AK3: variants seen among roughly 807,000 people sequenced by gnomAD.
The protein encoded by AK3 is GTP:AMP phosphotransferase AK3, mitochondrial.
Under a neutral mutation model 23.7 loss-of-function variants are expected in AK3, and 27 were observed. That is an observed-to-expected ratio of 1.14 (90% CI 0.84 to 1.57). The LOEUF (loss-of-function observed/expected upper bound fraction) is 1.57, where lower values mean the gene tolerates loss of function less well. AK3 is among the 40% of genes most tolerant of loss of function. The pLI is 0.00. For synonymous variants in AK3, 159 were observed against 116.0 expected (o/e 1.37, Z -2.38); for missense variants, 406 against 285.6 (o/e 1.42, Z -3.04).
At chr9:4,713,976 T>TACACGCCTACGCATATACACGCC (rs1563780934) in intron 4 of AK3, among the ~76,000 whole-genome samples, 55 of 9,800 alleles carry the variant, frequency 5.6e-3, no homozygotes, top group Admixed American at 9.0e-3. Context: ...ACCTCCACAT[T>TACACGCCTACGCATATACACGCC]TACACACCTA....
Position 4,714,262 on chromosome 9 carries a change from C to T in AK3, c.564-1166G>A, listed in dbSNP as rs1363875359. Among the ~76,000 whole-genome samples, 3 of 96,854 alleles carry T rather than the reference C, an allele frequency of 3.1e-5. 1 individual carries two copies. The highest frequency in any genetic ancestry group is 7.2e-5 in the Non-Finnish European group (3 of 41,480). The allele number at this position is 96,854 out of a possible 152,430, so 63.5% of individuals were successfully genotyped here. On this transcript the variant is annotated intron_variant, in intron 4 of 4. Transcript: ENST00000381809. Reference sequence around the variant, plus strand: ...CACTGGTGTAAAGACTGCATAAGGACAACCTAAGAACTCTGGTTTATGACT... The same window carrying T: ...CACTGGTGTAAAGACTGCATAAGGATAACCTAAGAACTCTGGTTTATGACT...
chr9:4,735,787 G>C (rs71490246), intron 1 of AK3, among the ~76,000 whole-genome samples: 25,266 of 77,042 alleles, frequency 0.33, 2,757 homozygotes, highest in East Asian at 0.59. Context: ...ATTTTAAAAA[G>C]AAAAAAATTT....
At chr9:4,741,387 C>G (rs62540578), upstream of AK3, 143,542 of 285,258 alleles carry the variant, frequency 0.5, 36,473 homozygotes, top group Admixed American at 0.56. Flanking sequence ...GCTCGGCCGC[C>G]CAGCTCCCAC....
intron 1 of AK3, 57 bp from the exon 2 acceptor site, chr9:4,722,682 C>G (rs199938754): frequency 1.2e-6 from 2 of 1,608,672 alleles, no homozygotes; most frequent in East Asian, 2.2e-5. Flanking sequence ...CCATTCCAGG[C>G]ACCTCGGAAC....
In AK3 at chr9:4,719,250, G is replaced by T. The variant is rs1284185469; in HGVS notation, c.329C>A (p.Thr110Lys). ...EALDRAYQIDTVINLNVPFEV... is the reference protein window; with the variant it reads ...EALDRAYQIDKVINLNVPFEV... ...AAAGGGCACATTCAGGTTAATCACT[G>T]TGTCGATCTGATAAGCTCTATCTAG... Residue 110 changes from threonine to lysine, a missense_variant, in exon 3 of 5, where the codon ACA becomes AAA. Coordinates refer to ENST00000381809, the MANE Select transcript of AK3 (RefSeq NM_016282.4). 6.2e-7 allele frequency: 1 copy of T among 1,610,554 alleles called. No homozygotes were observed. Among genetic ancestry groups the T allele is most frequent in the South Asian group, 1.1e-5 (1 of 90,958 alleles).
At position 4,741,135 on chromosome 9, in the gene AK3, G is replaced by T. The variant is rs1052115359; in HGVS notation, c.-48C>A. On this transcript the variant is annotated 5_prime_UTR_variant, in exon 1 of 5. Transcript: ENST00000381809. ...CGCGCGGGTACCAGGGCTTTGGCCTGGCCTGCGCGCTCACCCGCTCGGCAG... is the reference window on the plus strand; with the variant it reads ...CGCGCGGGTACCAGGGCTTTGGCCTTGCCTGCGCGCTCACCCGCTCGGCAG... The T allele has an allele frequency of 2.2e-6, 3 of 1,394,838 alleles. No individual in the cohort carries two copies. Among genetic ancestry groups the T allele is most frequent in the Admixed American group, 7.2e-5 (2 of 27,968 alleles). 86.4% of individuals were successfully genotyped at this position (1,394,838 alleles called of 1,614,324 possible). A position where few individuals can be genotyped will look rare whatever the true frequency, so the allele number is the denominator to read the frequency against.
chr9:4,718,213 G>A (rs375194853), intron 4 of AK3, among the ~76,000 whole-genome samples: 2 of 152,190 alleles, frequency 1.3e-5, no homozygotes, highest in East Asian at 1.9e-4. Flanking sequence ...CCAAGAGAAC[G>A]GCTACACTGA....
intron 1 of AK3, among the ~76,000 whole-genome samples, chr9:4,728,235 T>C (rs1842062196): frequency 6.6e-6 from 1 of 152,224 alleles, no homozygotes; most frequent in Non-Finnish European, 1.5e-5. Context: ...TAAAAAAAGA[T>C]ACAGTACCTG....
intron 1 of AK3, among the ~76,000 whole-genome samples, chr9:4,739,612 G>C (rs1842376220): frequency 6.6e-6 from 1 of 151,898 alleles, no homozygotes; most frequent in African/African-American, 2.4e-5. Flanking sequence ...TATACACATA[G>C]TATGCTCACA....
chr9:4,724,456 T>C lies in AK3; in HGVS notation c.152-1831A>G, dbSNP rs12684274. 5.3e-4 allele frequency among the ~76,000 whole-genome samples: 80 copies of C among 152,274 alleles called. No homozygotes were observed. The East Asian group carries it at 0.013, about 25-fold the overall frequency. ...GTATATGAATAGCTGTAAGAAAAGA[T>C]TGTCTGCCCTTGCCACTTCTATACA... On this transcript the variant is annotated intron_variant, in intron 1 of 4. Coordinates refer to ENST00000381809, the MANE Select transcript of AK3 (RefSeq NM_016282.4).
chr9:4,733,185 A>G (rs1842194406), intron 1 of AK3, among the ~76,000 whole-genome samples: 1 of 152,168 alleles, frequency 6.6e-6, no homozygotes, highest in Admixed American at 6.5e-5. Flanking sequence ...AAAAGGCTAC[A>G]GAGAATTAAC....
At chr9:4,715,003 G>C (rs1841683204) in intron 4 of AK3, among the ~76,000 whole-genome samples, 2 of 152,174 alleles carry the variant, frequency 1.3e-5, no homozygotes, top group South Asian at 4.1e-4. Context: ...TGGATCACTT[G>C]AGGTCAGGAG....
intron 3 of AK3, 50 bp downstream of exon 3, chr9:4,719,085 G>C: frequency 6.2e-7 from 1 of 1,600,390 alleles, no homozygotes; most frequent in Non-Finnish European, 8.5e-7. Flanking sequence ...GTTAGGGCAA[G>C]AGGACTCAGG....
At chr9:4,739,838 G>A (rs1563801857) in intron 1 of AK3, among the ~76,000 whole-genome samples, 1 of 152,074 alleles carries the variant, frequency 6.6e-6, no homozygotes, top group Non-Finnish European at 1.5e-5. Flanking sequence ...GGCTGAGACA[G>A]GAGAATTGCT....
chr9:4,722,364 G>A, intron 2 of AK3, 142 bp downstream of exon 2: 1 of 1,164,690 alleles, frequency 8.6e-7, no homozygotes, highest in Non-Finnish European at 1.2e-6. Context: ...TCCCAGAGAA[G>A]ATGACTGGTT....
At chr9:4,738,114 C>A (rs900960659) in intron 1 of AK3, among the ~76,000 whole-genome samples, 1 of 152,140 alleles carries the variant, frequency 6.6e-6, no homozygotes, top group Non-Finnish European at 1.5e-5. Flanking sequence ...CAATAGTTAA[C>A]AACATACGCG....
intron 2 of AK3, among the ~76,000 whole-genome samples, chr9:4,720,316 G>T (rs1437524202): frequency 6.6e-6 from 1 of 152,266 alleles, no homozygotes; most frequent in Admixed American, 6.5e-5. Flanking sequence ...ACTTTGCAAT[G>T]TTGTTACTAA....
Position 4,726,214 on chromosome 9 carries a change from G to A in AK3, c.152-3589C>T, listed in dbSNP as rs774318975. Among the ~76,000 whole-genome samples the A allele has an allele frequency of 2.1e-4, 32 of 152,174 alleles. 1 individual carries two copies. Among genetic ancestry groups the A allele is most frequent in the Non-Finnish European group, 1.3e-4 (9 of 68,042 alleles). ...CTGCTGACTGATCAGGATGGAGGTT[G>A]CTAAATGATGAGGTGGCTGTGCAAT... On this transcript the variant is annotated intron_variant, in intron 1 of 4. Transcript: ENST00000381809.
Position 4,712,955 on chromosome 9 carries a change from A to G in AK3, c.*21T>C, listed in dbSNP as rs779041330. 12 of 1,609,806 alleles carry G rather than the reference A, an allele frequency of 7.5e-6. No individual in the cohort carries two copies. The African/African-American group carries it at 1.6e-4, about 22-fold the overall frequency. ...TAGGAGGTTTGCCCATCTTACTATT[A>G]ATAGTTACACACATTTCTCCTCATG... On this transcript the variant is annotated 3_prime_UTR_variant, in exon 5 of 5. Coordinates refer to ENST00000381809, the MANE Select transcript of AK3 (RefSeq NM_016282.4).
Sources: gnomAD v4.1 joint callset for allele counts (sites outside exome capture counted in the v4.1 genomes callset) on GRCh38, gnomAD v4.1.1 for gene constraint, MANE v1.5 for transcripts, NCBI Gene and HGNC (gene_info 2026-07-23, HGNC 2026-07-21) for gene names.